PID1: variants seen among roughly 807,000 people sequenced by gnomAD.
PID1 encodes the protein PTB-containing, cubilin and LRP1-interacting protein.
Under a neutral mutation model 19.1 loss-of-function variants are expected in PID1, and 10 were observed. The ratio of observed to expected loss-of-function variants is 0.52; its 90% CI spans 0.32 to 0.89. The LOEUF (loss-of-function observed/expected upper bound fraction) is 0.89. Ranked by LOEUF, PID1 falls within the 40% of genes least tolerant of loss-of-function variation. The pLI, the probability that PID1 is intolerant of heterozygous loss-of-function variation, is 0.03. For missense variants in PID1, 248 were observed against 285.3 expected (o/e 0.87, Z 0.94); for synonymous variants, 130 against 116.0 (o/e 1.12, Z -0.78).
chr2:229,250,026 C>T (rs956704446), intron 1 of PID1, among the ~76,000 whole-genome samples: 2 of 152,056 alleles, frequency 1.3e-5, no homozygotes, highest in African/African-American at 4.8e-5. Flanking sequence ...CCTTAGCATC[C>T]GATAAAGGCA....
At chr2:229,234,843 C>T (rs915708756) in intron 1 of PID1, among the ~76,000 whole-genome samples, 8 of 152,040 alleles carry the variant, frequency 5.3e-5, no homozygotes, top group Admixed American at 1.3e-4. Flanking sequence ...AAGACCATGG[C>T]GTTTTCAGAG....
chr2:229,128,911 C>T (rs1176940532), intron 2 of PID1, among the ~76,000 whole-genome samples: 2 of 152,188 alleles, frequency 1.3e-5, no homozygotes, highest in Non-Finnish European at 2.9e-5. Flanking sequence ...GTTTGCAACT[C>T]AAAGGATAAA....
At chr2:229,125,194 T>C (rs576015084) in intron 2 of PID1, among the ~76,000 whole-genome samples, 107 of 152,314 alleles carry the variant, frequency 7.0e-4, no homozygotes, top group Non-Finnish European at 1.2e-3. Flanking sequence ...TGGGCCTCCA[T>C]GGTTTTCCCC....
chr2:229,256,108 T>C (rs563172920), intron 1 of PID1, among the ~76,000 whole-genome samples: 2 of 152,250 alleles, frequency 1.3e-5, no homozygotes, highest in East Asian at 3.9e-4. Context: ...CTGAACTACA[T>C]TGGTGTCCCC....
At chr2:229,223,978 T>G (rs1295198424) in intron 1 of PID1, among the ~76,000 whole-genome samples, 1 of 152,176 alleles carries the variant, frequency 6.6e-6, no homozygotes, top group Non-Finnish European at 1.5e-5. Flanking sequence ...GTTTCCACCT[T>G]TATGTCCATA....
chr2:229,135,786 T>C (rs1003555551), intron 2 of PID1, among the ~76,000 whole-genome samples: 1 of 152,210 alleles, frequency 6.6e-6, no homozygotes, highest in African/African-American at 2.4e-5. Context: ...GGACAGGCCA[T>C]GTTTAAGAGG....
intron 1 of PID1, among the ~76,000 whole-genome samples, chr2:229,223,696 T>G (rs1318289463): frequency 6.6e-6 from 1 of 152,214 alleles, no homozygotes; most frequent in Non-Finnish European, 1.5e-5. Context: ...TAGACAGGAT[T>G]CTGCACCTTG....
Position 229,266,564 on chromosome 2 carries a change from C to T in PID1, c.30+4450G>A, listed in dbSNP as rs559461626. 3.3e-5 allele frequency among the ~76,000 whole-genome samples: 5 copies of T among 152,286 alleles called. No homozygotes were observed. In the South Asian group the frequency reaches 1.0e-3, roughly 32 times the overall value. ...ACTGTATTTATTAATAACAACAGCA[C>T]CAACATGTACATTGCACTGTGCCTG... On this transcript the variant is annotated intron_variant, in intron 1 of 2. Transcript: ENST00000392055.
At chr2:229,126,041 G>A (rs532579283) in intron 2 of PID1, among the ~76,000 whole-genome samples, 9 of 152,186 alleles carry the variant, frequency 5.9e-5, no homozygotes, top group South Asian at 2.1e-4. Context: ...TAGTTATACA[G>A]CCTAATTTCT....
At chr2:229,236,981 CACACAT>C (rs60983800) in intron 1 of PID1, among the ~76,000 whole-genome samples, 31,577 of 94,768 alleles carry the variant, frequency 0.33, 3,900 homozygotes, top group Non-Finnish European at 0.38. Flanking sequence ...CTCCTTTACA[CACACAT>C]ACACACACAC....
intron 1 of PID1, among the ~76,000 whole-genome samples, chr2:229,234,585 A>G (rs144988766): frequency 6.6e-6 from 1 of 152,348 alleles, no homozygotes; most frequent in Non-Finnish European, 1.5e-5. Flanking sequence ...CAAAATCAGT[A>G]AAATCATAAA....
chr2:229,073,387 A>C (rs1237745804), intron 2 of PID1, among the ~76,000 whole-genome samples: 1 of 152,224 alleles, frequency 6.6e-6, no homozygotes, highest in Non-Finnish European at 1.5e-5. Context: ...TTGAGAGTTG[A>C]GAGGCAATTT....
chr2:229,252,333 T>A (rs1477665146), intron 1 of PID1, among the ~76,000 whole-genome samples: 1 of 152,198 alleles, frequency 6.6e-6, no homozygotes, highest in Non-Finnish European at 1.5e-5. Flanking sequence ...ACAGAGCAAT[T>A]CCACCTTACT....
chr2:229,045,432 T>C lies in PID1; in HGVS notation c.178-19324A>G, dbSNP rs191870309. Among the ~76,000 whole-genome samples, 101 of 152,344 alleles carry C rather than the reference T, an allele frequency of 6.6e-4. 1 individual carries two copies. The highest frequency in any genetic ancestry group is 1.9e-3 in the Admixed American group (29 of 15,304). ...AATGTGGCCAACCTGATACTTATGC[T>C]CTTTCCTAAGTTAATTTTCCTTAAT... On this transcript the variant is annotated intron_variant, in intron 2 of 2. Coordinates refer to ENST00000392055, the MANE Select transcript of PID1 (RefSeq NM_001100818.2).
At chr2:229,162,151 T>C (rs1002254381) in intron 1 of PID1, among the ~76,000 whole-genome samples, 2 of 152,216 alleles carry the variant, frequency 1.3e-5, no homozygotes, top group African/African-American at 4.8e-5. Context: ...TAAACAAAGG[T>C]TGGCTTTCTG....
intron 1 of PID1, among the ~76,000 whole-genome samples, chr2:229,255,117 C>A (rs972872587): frequency 4.6e-5 from 7 of 152,142 alleles, no homozygotes; most frequent in African/African-American, 1.7e-4. Context: ...TGTCTCAAGT[C>A]TATAATAGCC....
chr2:229,251,330 G>A (rs570028503), intron 1 of PID1, among the ~76,000 whole-genome samples: 161 of 151,616 alleles, frequency 1.1e-3, no homozygotes, highest in Non-Finnish European at 1.7e-3. Context: ...GTTAACAGTG[G>A]CCTGGAAGTA....
intron 2 of PID1, among the ~76,000 whole-genome samples, chr2:229,039,862 G>A (rs1693733655): frequency 6.6e-6 from 1 of 152,112 alleles, no homozygotes; most frequent in Admixed American, 6.5e-5. Context: ...AACTCTATAT[G>A]TCTTTTGAAT....
chr2:229,096,126 C>T (rs1021105623), intron 2 of PID1, among the ~76,000 whole-genome samples: 4 of 152,120 alleles, frequency 2.6e-5, no homozygotes, highest in African/African-American at 9.7e-5. Flanking sequence ...TGCCTATAAG[C>T]AAAGTAGCTA....
Sources: allele counts gnomAD v4.1 joint callset (sites outside exome capture counted in the v4.1 genomes callset), GRCh38; gene constraint gnomAD v4.1.1; transcripts MANE v1.5; gene names NCBI Gene and HGNC (gene_info 2026-07-23, HGNC 2026-07-21).